Variants in CLEC9A observed in about 807,000 individuals in gnomAD.
CLEC9A encodes the protein C-type lectin domain family 9 member A.
CLEC9A carries 24 observed loss-of-function variants against 30.0 expected under a neutral mutation model. The observed-to-expected ratio is 0.80, with a 90% confidence interval of 0.58 to 1.13. The LOEUF (loss-of-function observed/expected upper bound fraction) is 1.13, where lower values mean the gene tolerates loss of function less well. CLEC9A is among the 50% of genes most tolerant of loss of function. The pLI is 0.00. For missense variants in CLEC9A, 251 were observed against 280.9 expected, an observed-to-expected ratio of 0.89 and a Z score of 0.76; for synonymous variants, 111 against 96.8, an observed-to-expected ratio of 1.15 and a Z score of -0.86.
intron 1 of CLEC9A, among the ~76,000 whole-genome samples, chr12:10,034,459 T>C (rs541428825): frequency 6.6e-6 from 1 of 152,238 alleles, no homozygotes; most frequent in Admixed American, 6.5e-5. Context: ...GCACTTTTCA[T>C]GATGTAAAAT....
intron 1 of CLEC9A, among the ~76,000 whole-genome samples, chr12:10,036,780 G>T (rs573442024): frequency 6.6e-6 from 1 of 152,298 alleles, no homozygotes; most frequent in African/African-American, 2.4e-5. Context: ...CTGGGTAGAT[G>T]CTACTAGGTA....
rs183250630 is a variant in CLEC9A at position 10,064,461 on chromosome 12, C to T, written c.472-271C>T. Reference sequence around the variant, plus strand: ...TCAGTATAACACTTTCTTTTTTTGACGTATACTACCTGCCAGGCTCTGAAT... The same window carrying T: ...TCAGTATAACACTTTCTTTTTTTGATGTATACTACCTGCCAGGCTCTGAAT... On this transcript the variant is annotated intron_variant, in intron 7 of 8. Coordinates refer to ENST00000355819, the MANE Select transcript of CLEC9A (RefSeq NM_207345.4). Among the ~76,000 whole-genome samples the T allele has an allele frequency of 3.3e-5, 5 of 152,176 alleles. No homozygotes were observed. The East Asian group carries it at 9.6e-4, about 29-fold the overall frequency.
intron 2 of CLEC9A, among the ~76,000 whole-genome samples, chr12:10,051,468 C>T (rs1865892274): frequency 1.3e-5 from 2 of 152,172 alleles, no homozygotes; most frequent in South Asian, 4.1e-4. Flanking sequence ...GACCTGACAG[C>T]TTCCCAGTGC....
chr12:10,041,902 A>G (rs1044074645), intron 2 of CLEC9A, among the ~76,000 whole-genome samples: 2 of 152,162 alleles, frequency 1.3e-5, no homozygotes, highest in African/African-American at 4.8e-5. Flanking sequence ...GATGTTCTTG[A>G]TCATTTGTGT....
chr12:10,052,872 C>T (rs969129302), intron 4 of CLEC9A, 94 bp downstream of exon 4: 40 of 1,366,840 alleles, frequency 2.9e-5, no homozygotes, highest in Admixed American at 1.2e-4. Context: ...TATTCTAATC[C>T]GAGATAATCT....
chr12:10,033,732 TAGG>T (rs1865720500), intron 1 of CLEC9A, among the ~76,000 whole-genome samples: 1 of 152,234 alleles, frequency 6.6e-6, no homozygotes, highest in Non-Finnish European at 1.5e-5. Flanking sequence ...GTTAACATGA[TAGG>T]AGGATTCATT....
intron 1 of CLEC9A, among the ~76,000 whole-genome samples, chr12:10,040,185 T>C (rs1285151627): frequency 6.6e-6 from 1 of 152,234 alleles, no homozygotes; most frequent in East Asian, 1.9e-4. Flanking sequence ...ATGAATAGTT[T>C]GGCATCACAC....
intron 2 of CLEC9A, among the ~76,000 whole-genome samples, chr12:10,051,486 A>G (rs1865892406): frequency 6.6e-6 from 1 of 152,118 alleles, no homozygotes. Context: ...TGCATATGTC[A>G]CACCCCTTTT....
chr12:10,052,741 C>T lies in CLEC9A; in HGVS notation c.54C>T (p.Asp18=), dbSNP rs201889740. ...TTCAGTGGGATAGCCCAGCACCAGA[C>T]ACTTACCAGAAATGTCTGTCTTCCA... ...TSLQWDSPAP[D]TYQKCLSSNK... Residue 18 remains aspartate (D), a synonymous_variant, in exon 4 of 9, where the codon GAC becomes GAT. Coordinates refer to ENST00000355819, the MANE Select transcript of CLEC9A (RefSeq NM_207345.4). The T allele has an allele frequency of 1.3e-4, 216 of 1,613,892 alleles. No individual in the cohort carries two copies. Among genetic ancestry groups the T allele is most frequent in the Non-Finnish European group, 1.7e-4 (206 of 1,179,872 alleles).
At chr12:10,041,279 C>A (rs898959281) in intron 1 of CLEC9A, among the ~76,000 whole-genome samples, 187 bp from the exon 2 acceptor site, 37 of 150,058 alleles carry the variant, frequency 2.5e-4, no homozygotes, top group Non-Finnish European at 4.9e-4. Context: ...AACAAACAAA[C>A]AAAAAAAAAC....
intron 3 of CLEC9A, 67 bp from the exon 4 acceptor site, chr12:10,052,563 T>A: frequency 6.9e-7 from 1 of 1,456,228 alleles, no homozygotes; most frequent in Non-Finnish European, 9.1e-7. Context: ...AACACAAACA[T>A]ATTTTCCCAC....
chr12:10,034,938 G>A (rs969263814), intron 1 of CLEC9A, among the ~76,000 whole-genome samples: 2 of 152,240 alleles, frequency 1.3e-5, no homozygotes, highest in Non-Finnish European at 2.9e-5. Flanking sequence ...TTACCTTGGT[G>A]TACTGGAAGA....
chr12:10,049,364 A>C (rs1423926094), intron 2 of CLEC9A, among the ~76,000 whole-genome samples: 1 of 152,186 alleles, frequency 6.6e-6, no homozygotes, highest in Non-Finnish European at 1.5e-5. Flanking sequence ...ATTAGCCCCT[A>C]ACAATAGAGT....
intron 5 of CLEC9A, among the ~76,000 whole-genome samples, chr12:10,058,009 C>T (rs1432945817): frequency 1.3e-5 from 2 of 151,490 alleles, no homozygotes; most frequent in Non-Finnish European, 2.9e-5. Context: ...TTTTTTTCCC[C>T]AGGTAATTAT....
chr12:10,052,964 C>A (rs2137308151), intron 4 of CLEC9A, 186 bp downstream of exon 4: 1 of 572,012 alleles, frequency 1.7e-6, no homozygotes, highest in Non-Finnish European at 2.8e-6. Context: ...GAGAGCAATA[C>A]ACGTGATAAA....
At chr12:10,054,142 A>G in intron 4 of CLEC9A, 129 bp from the exon 5 acceptor site, 1 of 731,492 alleles carries the variant, frequency 1.4e-6, no homozygotes. Context: ...TACACATCCC[A>G]GGCCCCAACA....
At chr12:10,052,382 T>G (rs889223981) in intron 3 of CLEC9A, 5 of 466,570 alleles carry the variant, frequency 1.1e-5, no homozygotes, top group Non-Finnish European at 1.5e-5. Flanking sequence ...CTGAACTCAC[T>G]GCTATCACCT....
At position 10,061,207 on chromosome 12, in the gene CLEC9A, T is replaced by C. The variant is rs1228196487; in HGVS notation, c.253T>C (p.Trp85Arg). 3.1e-6 allele frequency: 5 copies of C among 1,612,636 alleles called. No individual in the cohort carries two copies. Among genetic ancestry groups the C allele is most frequent in the Non-Finnish European group, 3.4e-6 (4 of 1,179,568 alleles). ...GAGGGCACTGCTAAACTTTACAGAATGGAAGAGAAGCTGTGCCCTTCAGAT... is the reference window on the plus strand; with the variant it reads ...GAGGGCACTGCTAAACTTTACAGAACGGAAGAGAAGCTGTGCCCTTCAGAT... ...QERALLNFTE[W>R]KRSCALQMKY... The change falls in exon 6 of 9, where the codon TGG (tryptophan) becomes CGG (arginine). Residue 85 changes from tryptophan (W) to arginine (R), a missense_variant. Coordinates refer to ENST00000355819, the MANE Select transcript of CLEC9A (RefSeq NM_207345.4).
intron 5 of CLEC9A, among the ~76,000 whole-genome samples, chr12:10,058,744 C>T (rs1313477850): frequency 6.6e-6 from 1 of 152,104 alleles, no homozygotes; most frequent in African/African-American, 2.4e-5. Flanking sequence ...AAGGCTTTGC[C>T]ATGTTGGCCA....
Sources: allele counts gnomAD v4.1 joint callset (sites outside exome capture counted in the v4.1 genomes callset), GRCh38; gene constraint gnomAD v4.1.1; transcripts MANE v1.5; gene names NCBI Gene and HGNC (gene_info 2026-07-23, HGNC 2026-07-21).